MAP4K3: variants seen among roughly 807,000 people sequenced by gnomAD.
The protein encoded by MAP4K3 is mitogen-activated protein kinase kinase kinase kinase 3.
MAP4K3 carries 94 observed loss-of-function variants against 143.5 expected under a neutral mutation model. The ratio of observed to expected loss-of-function variants is 0.65; its 90% CI spans 0.55 to 0.78. MAP4K3 has a LOEUF of 0.78. MAP4K3 is among the 30% of genes least tolerant of loss of function. The pLI, the probability that MAP4K3 is intolerant of heterozygous loss-of-function variation, is 0.00. For synonymous variants in MAP4K3, 416 were observed against 347.2 expected, an observed-to-expected ratio of 1.20 and a Z score of -2.20; for missense variants, 1,077 against 1,068.1, an observed-to-expected ratio of 1.01 and a Z score of -0.12.
intron 31 of MAP4K3, among the ~76,000 whole-genome samples, chr2:39,256,460 C>T (rs919059978): frequency 3.3e-5 from 5 of 152,096 alleles, no homozygotes; most frequent in African/African-American, 1.2e-4. Context: ...TAAAAAAAAT[C>T]ATTAATGACA....
At chr2:39,406,498 A>T (rs947745020) in intron 1 of MAP4K3, among the ~76,000 whole-genome samples, 3 of 152,248 alleles carry the variant, frequency 2.0e-5, no homozygotes, top group African/African-American at 7.2e-5. Flanking sequence ...AGAAAGGAAA[A>T]TATACACTGG....
At chr2:39,336,996 C>A in intron 5 of MAP4K3, 29 bp from the exon 6 acceptor site, 1 of 1,178,104 alleles carries the variant, frequency 8.5e-7, no homozygotes, top group African/African-American at 1.6e-5. Context: ...GAAAAATAAA[C>A]AAGATTTTAT....
chr2:39,311,056 A>G (rs1682921097), intron 13 of MAP4K3, among the ~76,000 whole-genome samples: 1 of 152,218 alleles, frequency 6.6e-6, no homozygotes, highest in African/African-American at 2.4e-5. Flanking sequence ...GTTGTGACCA[A>G]GAATAAAACA....
intron 1 of MAP4K3, among the ~76,000 whole-genome samples, chr2:39,408,153 T>C (rs538369771): frequency 6.6e-6 from 1 of 152,296 alleles, no homozygotes; most frequent in Admixed American, 6.5e-5. Flanking sequence ...AAAAAAACCA[T>C]CTAGATAACA....
chr2:39,300,562 T>A (rs1682467486), intron 15 of MAP4K3, among the ~76,000 whole-genome samples: 1 of 152,216 alleles, frequency 6.6e-6, no homozygotes, highest in African/African-American at 2.4e-5. Flanking sequence ...GTCCTCTTCT[T>A]AAAGAGCCAC....
At chr2:39,350,490 G>A (rs1011671978) in intron 3 of MAP4K3, among the ~76,000 whole-genome samples, 1 of 151,994 alleles carries the variant, frequency 6.6e-6, no homozygotes, top group African/African-American at 2.4e-5. Flanking sequence ...AGAGTAGCTG[G>A]GTATAAAGTG....
chr2:39,433,573 A>AT, intron 1 of MAP4K3, among the ~76,000 whole-genome samples: 1 of 152,194 alleles, frequency 6.6e-6, no homozygotes, highest in Admixed American at 6.5e-5. Context: ...TCATTTTTTC[A>AT]TTTTTTTGGA....
intron 11 of MAP4K3, 34 bp from the exon 12 acceptor site, chr2:39,325,662 T>C (rs1312783352): frequency 1.3e-6 from 2 of 1,568,434 alleles, no homozygotes; most frequent in Non-Finnish European, 1.8e-6. Flanking sequence ...GAACACTTAC[T>C]ATAAATCTGA....
chr2:39,407,405 G>C (rs1205098893), intron 1 of MAP4K3, among the ~76,000 whole-genome samples: 2 of 151,692 alleles, frequency 1.3e-5, no homozygotes, highest in African/African-American at 2.4e-5. Flanking sequence ...AGAATGGTTT[G>C]ATAATCTGAA....
intron 33 of MAP4K3, 126 bp downstream of exon 33, chr2:39,251,704 T>C (rs1680159967): frequency 1.4e-6 from 1 of 739,454 alleles, no homozygotes; most frequent in Non-Finnish European, 2.2e-6. Flanking sequence ...TGAATTCTTA[T>C]AGTGTGAAAA....
At chr2:39,272,590 A>C (rs918384259) in intron 24 of MAP4K3, 48 bp from the exon 25 acceptor site, 1 of 1,458,676 alleles carries the variant, frequency 6.9e-7, no homozygotes, top group Non-Finnish European at 9.6e-7. Context: ...ACATAATGGC[A>C]ATGTAAATCT....
chr2:39,277,560 T>C (rs2148461382), intron 24 of MAP4K3, among the ~76,000 whole-genome samples: 1 of 152,210 alleles, frequency 6.6e-6, no homozygotes, highest in East Asian at 1.9e-4. Context: ...AATTAGAACA[T>C]GCTCCAGAAG....
rs911812251 is a variant in MAP4K3, at chr2:39,431,249, A to G, written c.96+5643T>C. 3.9e-5 allele frequency among the ~76,000 whole-genome samples: 6 copies of G among 152,182 alleles called. No homozygotes were observed. In the East Asian group the frequency reaches 1.2e-3, roughly 29 times the overall value. On this transcript the variant is annotated intron_variant, in intron 1 of 33. Transcript: ENST00000263881. Reference sequence around the variant, plus strand: ...TATGAGTGCTGAGAGTTGCTGGGACATGTAGAGTATTCCAGGTGGAGACAG... The same window carrying G: ...TATGAGTGCTGAGAGTTGCTGGGACGTGTAGAGTATTCCAGGTGGAGACAG...
intron 7 of MAP4K3, among the ~76,000 whole-genome samples, chr2:39,332,668 A>G (rs1270129347): frequency 6.6e-6 from 1 of 152,088 alleles, no homozygotes; most frequent in Non-Finnish European, 1.5e-5. Flanking sequence ...ACAAAATATT[A>G]AACTGCTGAT....
intron 1 of MAP4K3, among the ~76,000 whole-genome samples, chr2:39,402,974 A>C (rs1490546123): frequency 6.6e-6 from 1 of 152,190 alleles, no homozygotes; most frequent in South Asian, 2.1e-4. Context: ...ATTCTTTGAA[A>C]GACACAAACT....
rs1210199022 is a variant in MAP4K3 at position 39,323,251 on chromosome 2, A to C, written c.918+2267T>G. The stretch of plus-strand genomic sequence containing the variant: ...TAACAATTTATAATTATAATACCAA[A>C]ACAATGTCTGGATAAGAAAGATGAG... On this transcript the variant is annotated intron_variant, in intron 12 of 33. Coordinates refer to ENST00000263881, the MANE Select transcript of MAP4K3 (RefSeq NM_003618.4). 4 of 152,284 alleles carry C rather than the reference A, an allele frequency of 2.6e-5. No homozygotes were observed. The South Asian group carries it at 8.3e-4, about 32-fold the overall frequency. The allele number at this position is 152,284 out of a possible 1,614,324, so 9.4% of individuals were successfully genotyped here.
At chr2:39,389,641 AAAGTT>A (rs1255626844) in intron 1 of MAP4K3, among the ~76,000 whole-genome samples, 1 of 152,214 alleles carries the variant, frequency 6.6e-6, no homozygotes, top group African/African-American at 2.4e-5. Flanking sequence ...GTGCTGAAAA[AAAGTT>A]AAGTCAGTCT....
chr2:39,391,078 G>A (rs1403497279), intron 1 of MAP4K3, among the ~76,000 whole-genome samples: 7 of 151,996 alleles, frequency 4.6e-5, no homozygotes, highest in Non-Finnish European at 7.4e-5. Context: ...ACTATAGGCC[G>A]GGCGCGGTGG....
intron 15 of MAP4K3, among the ~76,000 whole-genome samples, chr2:39,306,859 C>T (rs1005629171): frequency 1.1e-4 from 16 of 152,212 alleles, no homozygotes; most frequent in Admixed American, 9.8e-4. Flanking sequence ...GAGCTCTTCT[C>T]CTTCTCTCAT....
Sources: gnomAD v4.1 joint callset for allele counts (sites outside exome capture counted in the v4.1 genomes callset) on GRCh38, gnomAD v4.1.1 for gene constraint, MANE v1.5 for transcripts, NCBI Gene and HGNC (gene_info 2026-07-23, HGNC 2026-07-21) for gene names.